ZNF227: variants seen among roughly 807,000 people sequenced by gnomAD.
The protein encoded by ZNF227 is zinc finger protein 227.
A neutral mutation model predicts 13.2 loss-of-function variants in ZNF227; 12 were observed. The observed-to-expected ratio is 0.91, with a 90% confidence interval of 0.58 to 1.47. The LOEUF (loss-of-function observed/expected upper bound fraction) is 1.47, where lower values mean the gene tolerates loss of function less well. ZNF227 is among the 40% of genes most tolerant of loss of function. ZNF227 has a pLI of 0.00. For missense variants in ZNF227, 885 were observed against 967.5 expected (o/e 0.91, Z 1.13); for synonymous variants, 338 against 326.0 (o/e 1.04, Z -0.40).
At chr19:44,211,506 C>T (rs1971365386), upstream of ZNF227, among the ~76,000 whole-genome samples, 1 of 152,148 alleles carries the variant, frequency 6.6e-6, no homozygotes, top group Non-Finnish European at 1.5e-5. Context: ...AAGGTTTAAA[C>T]ACTGAAGTAA....
chr19:44,225,359 G>A (rs185059940), intron 3 of ZNF227, among the ~76,000 whole-genome samples: 4,137 of 152,286 alleles, frequency 0.027, 129 homozygotes, highest in African/African-American at 0.077. Flanking sequence ...ATCCTGCAGA[G>A]TGTTTCCAAC....
rs1309947784 is a variant in ZNF227, at chr19:44,234,526, G to A, written c.272-176G>A. Among the ~76,000 whole-genome samples, 6 of 152,058 alleles carry A rather than the reference G, an allele frequency of 3.9e-5. No homozygotes were observed. The East Asian group carries it at 7.7e-4, about 20-fold the overall frequency. On this transcript the variant is annotated intron_variant, in intron 5 of 5. Transcript: ENST00000313040. ...TGGGAGCCTGTTGACCCCACTCTTC[G>A]TTTACACCTGTATGAAAAACATGTC...
rs149270254 is a variant in ZNF227, at chr19:44,234,388, T to G, written c.272-314T>G. ...GCTGTTCATTGATGTTATTGTAGGTTGGAATATGGATTTTCTTTTTGTTGC... is the reference window on the plus strand; with the variant it reads ...GCTGTTCATTGATGTTATTGTAGGTGGGAATATGGATTTTCTTTTTGTTGC... On this transcript the variant is annotated intron_variant, in intron 5 of 5. Transcript: ENST00000313040. Among the ~76,000 whole-genome samples the G allele has an allele frequency of 3.0e-3, 459 of 152,320 alleles. 3 individuals carry two copies. The highest frequency in any genetic ancestry group is 4.6e-3 in the Non-Finnish European group (311 of 68,016).
chr19:44,214,374 C>CT (rs918025743), intron 2 of ZNF227, among the ~76,000 whole-genome samples: 3 of 148,700 alleles, frequency 2.0e-5, no homozygotes, highest in South Asian at 2.1e-4. Context: ...TTTCTTTTTT[C>CT]TTTTTTTTTC....
chr19:44,209,711 T>C (rs1277784959), upstream of ZNF227, among the ~76,000 whole-genome samples: 1 of 152,140 alleles, frequency 6.6e-6, no homozygotes, highest in Non-Finnish European at 1.5e-5. Context: ...CTCAGCCTCC[T>C]GAGTAGCTGG....
At chr19:44,217,679 A>T in intron 2 of ZNF227, 112 bp from the exon 3 acceptor site, 1 of 1,131,966 alleles carries the variant, frequency 8.8e-7, no homozygotes, top group Non-Finnish European at 1.3e-6. Context: ...CTGCTTACCA[A>T]GCTGTATGTG....
At chr19:44,217,576 C>T (rs547250618) in intron 2 of ZNF227, 153 of 709,602 alleles carry the variant, frequency 2.2e-4, no homozygotes, top group Non-Finnish European at 3.4e-4. Context: ...ATCAGAAATC[C>T]TTGTAGCAAG....
upstream of ZNF227, among the ~76,000 whole-genome samples, chr19:44,208,064 GA>G (rs1188039985): frequency 6.6e-6 from 1 of 152,166 alleles, no homozygotes; most frequent in Non-Finnish European, 1.5e-5. Context: ...ACACAATGTA[GA>G]AAAGAAAGCT....
At chr19:44,215,307 G>T (rs1029401337) in intron 2 of ZNF227, among the ~76,000 whole-genome samples, 1 of 147,518 alleles carries the variant, frequency 6.8e-6, no homozygotes, top group Admixed American at 6.8e-5. Flanking sequence ...GCTGAGGTCA[G>T]TTTTTTTTTT....
At position 44,229,663 on chromosome 19, in the gene ZNF227, T is replaced by C. The variant is rs184399876; in HGVS notation, c.188-70T>C. The C allele has an allele frequency of 4.3e-3, 4,412 of 1,018,916 alleles. 25 individuals are homozygous for C. The highest frequency in any genetic ancestry group is 0.024 in the Middle Eastern group (104 of 4,346). The allele number at this position is 1,018,916 out of a possible 1,614,324, so 63.1% of individuals were successfully genotyped here. A position where few individuals can be genotyped will look rare whatever the true frequency, so the allele number is the denominator to read the frequency against. The stretch of plus-strand genomic sequence containing the variant: ...ATCACTATAGAGGTTGTGAGGCTTA[T>C]AGGGTTCAGACAAAAATGTGTTTTA... On this transcript the variant is annotated intron_variant, in intron 4 of 5. Transcript: ENST00000313040.
chr19:44,212,563 C>G lies in ZNF227; in HGVS notation c.-180C>G, dbSNP rs1971437082. 1 of 152,190 alleles carries G rather than the reference C, an allele frequency of 6.6e-6. No homozygotes were observed. The highest frequency in any genetic ancestry group is 2.1e-4 in the South Asian group (1 of 4,816). 9.4% of individuals were successfully genotyped at this position (152,190 alleles called of 1,614,324 possible). ...ACTTCCGCCCCGGAAAGCGAGGCCG[C>G]CACCATCTTTTGGGTCCGGGAGGTG... On this transcript the variant is annotated 5_prime_UTR_variant, in exon 1 of 6. Coordinates refer to ENST00000313040, the MANE Select transcript of ZNF227 (RefSeq NM_182490.3).
At chr19:44,229,500 T>G (rs1973547473) in intron 4 of ZNF227, among the ~76,000 whole-genome samples, 1 of 152,138 alleles carries the variant, frequency 6.6e-6, no homozygotes, top group East Asian at 1.9e-4. Flanking sequence ...TAATCCCAAC[T>G]ACTCGGGAGG....
At chr19:44,228,868 A>T in intron 4 of ZNF227, 1 of 414,894 alleles carries the variant, frequency 2.4e-6, no homozygotes, top group South Asian at 8.6e-5. Context: ...TGTGGGTAGT[A>T]TCCAGGAATT....
upstream of ZNF227, among the ~76,000 whole-genome samples, chr19:44,209,774 G>A (rs1488257503): frequency 6.6e-6 from 1 of 152,090 alleles, no homozygotes; most frequent in African/African-American, 2.4e-5. Context: ...TTTTAGTAGA[G>A]ACGGGGTTTC....
intron 3 of ZNF227, among the ~76,000 whole-genome samples, chr19:44,221,803 T>G (rs1972549487): frequency 6.6e-6 from 1 of 152,218 alleles, no homozygotes; most frequent in Non-Finnish European, 1.5e-5. Flanking sequence ...TTTGTTGCCA[T>G]TGCTTTTAGT....
chr19:44,230,516 G>T (rs1973670090), intron 5 of ZNF227, among the ~76,000 whole-genome samples: 1 of 152,022 alleles, frequency 6.6e-6, no homozygotes, highest in African/African-American at 2.4e-5. Context: ...TGGAGTATTT[G>T]TTAAGCATAC....
chr19:44,209,033 G>A (rs1353834580), upstream of ZNF227, among the ~76,000 whole-genome samples: 1 of 152,112 alleles, frequency 6.6e-6, no homozygotes, highest in Non-Finnish European at 1.5e-5. Flanking sequence ...TATGACCACG[G>A]CACTGCACTC....
At chr19:44,232,291 C>T (rs527853101) in intron 5 of ZNF227, among the ~76,000 whole-genome samples, 3 of 152,178 alleles carry the variant, frequency 2.0e-5, no homozygotes, top group African/African-American at 7.2e-5. Flanking sequence ...GAAGTTAGGC[C>T]GGACTTTCAG....
upstream of ZNF227, among the ~76,000 whole-genome samples, chr19:44,209,657 G>A (rs1402813025): frequency 6.6e-6 from 1 of 152,176 alleles, no homozygotes; most frequent in East Asian, 1.9e-4. Context: ...CGCGATCTCG[G>A]CTCACTGCAA....
Sources: gnomAD v4.1 joint callset for allele counts (sites outside exome capture counted in the v4.1 genomes callset) on GRCh38, gnomAD v4.1.1 for gene constraint, MANE v1.5 for transcripts, NCBI Gene and HGNC (gene_info 2026-07-23, HGNC 2026-07-21) for gene names.